The following HS3ST5 variants were observed in gnomAD, a reference collection of about 807,000 sequenced individuals.
HS3ST5 encodes the protein heparan sulfate-glucosamine 3-sulfotransferase 5.
Under a neutral mutation model 25.4 loss-of-function variants are expected in HS3ST5, and 10 were observed. That is an observed-to-expected ratio of 0.39 (90% confidence interval 0.24 to 0.67). The LOEUF (loss-of-function observed/expected upper bound fraction) is 0.67. Among genes scored for constraint, HS3ST5 ranks in the 30% least tolerant of loss-of-function variants. HS3ST5 has a pLI of 0.44. For missense variants in HS3ST5, 324 were observed against 420.7 expected (o/e 0.77, Z 2.01); for synonymous variants, 170 against 162.4 (o/e 1.05, Z -0.36).
chr6:114,241,484 A>G (rs1337287371), intron 1 of HS3ST5, among the ~76,000 whole-genome samples: 2 of 152,218 alleles, frequency 1.3e-5, no homozygotes, highest in African/African-American at 4.8e-5. Context: ...TAAAGGAGAT[A>G]AACACAGAGA....
At chr6:114,311,346 C>T (rs1582807625) in intron 1 of HS3ST5, among the ~76,000 whole-genome samples, 1 of 151,996 alleles carries the variant, frequency 6.6e-6, no homozygotes, top group Non-Finnish European at 1.5e-5. Flanking sequence ...AGAATATATA[C>T]CAATATGTTA....
At chr6:114,074,660 C>T (rs1053103366) in intron 3 of HS3ST5, among the ~76,000 whole-genome samples, 1 of 151,972 alleles carries the variant, frequency 6.6e-6, no homozygotes, top group African/African-American at 2.4e-5. Context: ...AGCTTTTTTG[C>T]TTCTCCCTAT....
At chr6:114,324,006 G>C (rs1288032237) in intron 1 of HS3ST5, among the ~76,000 whole-genome samples, 1 of 152,148 alleles carries the variant, frequency 6.6e-6, no homozygotes, top group African/African-American at 2.4e-5. Flanking sequence ...CCTGCTGGGG[G>C]ACACTGGCTT....
chr6:114,162,750 G>A (rs1779032413), intron 3 of HS3ST5, among the ~76,000 whole-genome samples: 1 of 152,148 alleles, frequency 6.6e-6, no homozygotes, highest in African/African-American at 2.4e-5. Context: ...TGCCTGACCA[G>A]TGCTGTCCAT....
rs1425936042 is a variant in HS3ST5, at chr6:114,057,263, C to T, written c.1035G>A (p.Trp345Ter). 2 of 1,607,944 alleles carry T rather than the reference C, an allele frequency of 1.2e-6. No homozygotes were observed. The change falls in exon 5 of 5, where the codon TGG becomes TGA. Residue 345 changes from tryptophan (W) to a stop codon, truncating the protein, a stop_gained. Transcript: ENST00000312719. LOFTEE classifies it high-confidence loss of function. ...TGTTGTATGACATATTATTTTAGGG[C>T]CAGTTCAATGTCCTCCCAGTGATCT... is the stretch of plus-strand genomic sequence containing the variant. The part of the protein sequence containing the change: ...FYQITGRTLN[W>*]P
chr6:114,116,577 G>C (rs79073354), intron 3 of HS3ST5, among the ~76,000 whole-genome samples: 3 of 152,126 alleles, frequency 2.0e-5, no homozygotes, highest in Non-Finnish European at 2.9e-5. Flanking sequence ...ATCTCCAAGA[G>C]CATTAAGAAT....
At chr6:114,246,867 C>G (rs935065632) in intron 1 of HS3ST5, among the ~76,000 whole-genome samples, 1 of 152,160 alleles carries the variant, frequency 6.6e-6, no homozygotes, top group Non-Finnish European at 1.5e-5. Context: ...CAAACTGTTA[C>G]TTTATCTACA....
chr6:114,249,462 G>A (rs143529341), intron 1 of HS3ST5, among the ~76,000 whole-genome samples: 100 of 152,280 alleles, frequency 6.6e-4, no homozygotes, highest in African/African-American at 2.3e-3. Context: ...TACACCTCAA[G>A]GCTCCTCTCT....
chr6:114,101,908 A>T (rs888386982), intron 3 of HS3ST5, among the ~76,000 whole-genome samples: 1 of 152,194 alleles, frequency 6.6e-6, no homozygotes, highest in African/African-American at 2.4e-5. Context: ...GGCAACATGG[A>T]TGGACATGGA....
intron 1 of HS3ST5, among the ~76,000 whole-genome samples, chr6:114,294,608 G>A (rs1010145500): frequency 6.6e-6 from 1 of 152,086 alleles, no homozygotes; most frequent in Non-Finnish European, 1.5e-5. Flanking sequence ...ACTGCGCCCA[G>A]CTAATTTTCT....
chr6:114,158,711 T>C (rs1451463186), intron 3 of HS3ST5, among the ~76,000 whole-genome samples: 1 of 152,188 alleles, frequency 6.6e-6, no homozygotes, highest in Non-Finnish European at 1.5e-5. Flanking sequence ...CAAAATACCA[T>C]GCATACACAC....
At chr6:114,224,331 T>C (rs1404057443) in intron 2 of HS3ST5, among the ~76,000 whole-genome samples, 1 of 151,590 alleles carries the variant, frequency 6.6e-6, no homozygotes, top group Non-Finnish European at 1.5e-5. Flanking sequence ...TTTGAGAAAA[T>C]CTTTCATGAT....
In HS3ST5 at chr6:114,187,082, T is replaced by G. The variant is rs571407047; in HGVS notation, c.-144-18620A>C. On this transcript the variant is annotated intron_variant, in intron 2 of 4. Transcript: ENST00000312719. ...GATCACTGCTCATTGATAATACACC[T>G]AGTCACCCAAGAGTTCTGATGGTGA... Among the ~76,000 whole-genome samples the G allele has an allele frequency of 3.9e-5, 6 of 152,298 alleles. No individual in the cohort carries two copies. In the South Asian group the frequency reaches 1.2e-3, roughly 32 times the overall value.
At chr6:114,275,422 A>G (rs975802780) in intron 1 of HS3ST5, among the ~76,000 whole-genome samples, 2 of 152,010 alleles carry the variant, frequency 1.3e-5, no homozygotes, top group Non-Finnish European at 2.9e-5. Context: ...CTTCTTGTAT[A>G]TATTTTATGC....
chr6:114,183,902 A>G (rs954401949), intron 2 of HS3ST5, among the ~76,000 whole-genome samples: 1 of 152,192 alleles, frequency 6.6e-6, no homozygotes, highest in South Asian at 2.1e-4. Flanking sequence ...TTATTAAACA[A>G]TGGAAAATAA....
chr6:114,260,614 G>A (rs1692498176), intron 1 of HS3ST5, among the ~76,000 whole-genome samples: 1 of 152,190 alleles, frequency 6.6e-6, no homozygotes, highest in Non-Finnish European at 1.5e-5. Context: ...AGCTATCATT[G>A]TCATTTCCAG....
chr6:114,201,154 A>G (rs1780994092), intron 2 of HS3ST5, among the ~76,000 whole-genome samples: 1 of 151,894 alleles, frequency 6.6e-6, no homozygotes, highest in Non-Finnish European at 1.5e-5. Flanking sequence ...TGATATGTCC[A>G]GTACTAAATT....
intron 3 of HS3ST5, among the ~76,000 whole-genome samples, chr6:114,150,537 T>C (rs1188330640): frequency 6.6e-6 from 1 of 152,228 alleles, no homozygotes; most frequent in Non-Finnish European, 1.5e-5. Flanking sequence ...CTGCTTCAAT[T>C]AGACCTTTAT....
chr6:114,073,745 T>A (rs1376939638), intron 3 of HS3ST5, among the ~76,000 whole-genome samples: 2 of 152,180 alleles, frequency 1.3e-5, no homozygotes, highest in Non-Finnish European at 1.5e-5. Context: ...TGGCAATTCC[T>A]CAAGGATCTA....
Sources: allele counts gnomAD v4.1 joint callset (sites outside exome capture counted in the v4.1 genomes callset), GRCh38; gene constraint gnomAD v4.1.1; transcripts MANE v1.5; gene names NCBI Gene and HGNC (gene_info 2026-07-23, HGNC 2026-07-21).